RSPO3: variants seen among roughly 807,000 people sequenced by gnomAD.
The protein encoded by RSPO3 is R-spondin-3.
Under a neutral mutation model 36.5 loss-of-function variants are expected in RSPO3, and 17 were observed. The observed-to-expected ratio is 0.47, with a 90% CI of 0.32 to 0.70. RSPO3 has a LOEUF of 0.70. Ranked by LOEUF, RSPO3 falls within the 30% of genes least tolerant of loss-of-function variation. The pLI, the probability that RSPO3 is intolerant of heterozygous loss-of-function variation, is 0.04. For missense variants in RSPO3, 294 were observed against 322.5 expected (o/e 0.91, Z 0.68); for synonymous variants, 108 against 107.0 (o/e 1.01, Z -0.06).
At chr6:127,195,281 A>C (rs1257451084) in intron 4 of RSPO3, among the ~76,000 whole-genome samples, 1 of 152,010 alleles carries the variant, frequency 6.6e-6, no homozygotes, top group African/African-American at 2.4e-5. Context: ...TGATCCTCCT[A>C]CCTCAGCCTT....
chr6:127,168,623 T>C (rs1774873909), intron 4 of RSPO3, among the ~76,000 whole-genome samples: 1 of 152,092 alleles, frequency 6.6e-6, no homozygotes, highest in South Asian at 2.1e-4. Flanking sequence ...TTTGTCAATT[T>C]TGGGGTTTGT....
At chr6:127,188,155 G>A (rs1775333597) in intron 4 of RSPO3, among the ~76,000 whole-genome samples, 1 of 152,144 alleles carries the variant, frequency 6.6e-6, no homozygotes, top group Non-Finnish European at 1.5e-5. Flanking sequence ...CCTCTGTCAC[G>A]ACATTGAGCC....
intron 4 of RSPO3, among the ~76,000 whole-genome samples, chr6:127,182,495 TA>T (rs1775209486): frequency 6.6e-6 from 1 of 151,976 alleles, no homozygotes. Flanking sequence ...AAATGAGAAA[TA>T]TTTATTTTAG....
At position 127,141,269 on chromosome 6, in the gene RSPO3, G is replaced by T. The variant is rs192817395; in HGVS notation, c.98-7379G>T. ...TAGTCCTGATTTTGGACTAGCTGTG[G>T]TTAGGCAAAGCATAGCCTTCAGTTA... On this transcript the variant is annotated intron_variant, in intron 1 of 4. Transcript: ENST00000356698. Among the ~76,000 whole-genome samples the T allele has an allele frequency of 3.1e-3, 474 of 152,242 alleles. 1 individual carries two copies. Among genetic ancestry groups the T allele is most frequent in the African/African-American group, 0.01 (421 of 41,542 alleles).
At chr6:127,169,310 C>A (rs1774889917) in intron 4 of RSPO3, among the ~76,000 whole-genome samples, 1 of 151,706 alleles carries the variant, frequency 6.6e-6, no homozygotes. Flanking sequence ...TTAGATACTG[C>A]AATCTTACAT....
intron 1 of RSPO3, among the ~76,000 whole-genome samples, chr6:127,126,985 C>T (rs555592606): frequency 6.6e-6 from 1 of 152,170 alleles, no homozygotes; most frequent in Admixed American, 6.5e-5. Flanking sequence ...CCTTAAAACA[C>T]CTTTCTAAAA....
intron 1 of RSPO3, among the ~76,000 whole-genome samples, chr6:127,123,843 C>A (rs1773890712): frequency 6.6e-6 from 1 of 151,766 alleles, no homozygotes; most frequent in African/African-American, 2.4e-5. Flanking sequence ...AAATTAGGTC[C>A]CCAGAAAGCA....
At chr6:127,171,264 T>C (rs1018266750) in intron 4 of RSPO3, among the ~76,000 whole-genome samples, 2 of 151,678 alleles carry the variant, frequency 1.3e-5, no homozygotes, top group South Asian at 2.1e-4. Context: ...CTTAGGAAAA[T>C]TGCTTGACTC....
intron 4 of RSPO3, among the ~76,000 whole-genome samples, chr6:127,180,372 G>A (rs983245564): frequency 2.2e-4 from 33 of 150,856 alleles, no homozygotes; most frequent in Admixed American, 3.3e-4. Context: ...AACTTTGGGA[G>A]TACAGGCACT....
At chr6:127,159,644 CTTTTTTT>C (rs869033594) in intron 4 of RSPO3, among the ~76,000 whole-genome samples, 1 of 123,284 alleles carries the variant, frequency 8.1e-6, no homozygotes, top group East Asian at 2.2e-4. Flanking sequence ...ATACATTCTC[CTTTTTTT>C]TTTTTTTTTT....
chr6:127,154,489 T>C (rs1389789004), intron 3 of RSPO3, among the ~76,000 whole-genome samples: 3 of 152,164 alleles, frequency 2.0e-5, no homozygotes, highest in East Asian at 3.8e-4. Flanking sequence ...GTCAGGTTAA[T>C]TTTAGAAGCA....
In RSPO3 at chr6:127,161,819, G is replaced by A. The variant is rs563505419; in HGVS notation, c.634+6381G>A. ...CAGTGATCAGGTTATTGAATAGAGT[G>A]GTAGCATTCTTCAGCTCCTAAGCAA... is the stretch of plus-strand genomic sequence containing the variant. On this transcript the variant is annotated intron_variant, in intron 4 of 4. Coordinates refer to ENST00000356698, the MANE Select transcript of RSPO3 (RefSeq NM_032784.5). Among the ~76,000 whole-genome samples, 160 of 152,252 alleles carry A rather than the reference G, an allele frequency of 1.1e-3. 1 individual carries two copies. The highest frequency in any genetic ancestry group is 1.9e-3 in the Non-Finnish European group (129 of 68,024).
Position 127,150,416 on chromosome 6 carries a change from T to A in RSPO3, c.290-10T>A. On this transcript the variant is annotated splice_polypyrimidine_tract_variant and intron_variant, in intron 2 of 4. Transcript: ENST00000356698. ...AATGCAAGCATATTTCTTTCTTTTTTCTCTTTCAGAATGCAAAGCTGACTG... is the reference window on the plus strand; with the variant it reads ...AATGCAAGCATATTTCTTTCTTTTTACTCTTTCAGAATGCAAAGCTGACTG... 1.2e-6 allele frequency: 2 copies of A among 1,608,144 alleles called. No homozygotes were observed. Among genetic ancestry groups the A allele is most frequent in the Non-Finnish European group, 1.7e-6 (2 of 1,177,802 alleles).
At chr6:127,143,500 T>C (rs1774320632) in intron 1 of RSPO3, among the ~76,000 whole-genome samples, 1 of 152,228 alleles carries the variant, frequency 6.6e-6, no homozygotes, top group African/African-American at 2.4e-5. Flanking sequence ...TTTATTGTTG[T>C]TAAAAATAAC....
At position 127,134,005 on chromosome 6, in the gene RSPO3, CT is replaced by C. The variant is rs1326902569; in HGVS notation, c.98-14637del. 3.3e-5 allele frequency among the ~76,000 whole-genome samples: 5 copies of C among 152,210 alleles called. No homozygotes were observed. The East Asian group carries it at 7.7e-4, about 24-fold the overall frequency. The stretch of plus-strand genomic sequence containing the variant: ...ATCATTTCTAAGCCGAATAGTACCT[CT>C]TTTTTGATTTGTTTAAATAGCGTTG... On this transcript the variant is annotated intron_variant, in intron 1 of 4. Transcript: ENST00000356698.
chr6:127,153,230 C>T (rs1465497048), intron 3 of RSPO3, among the ~76,000 whole-genome samples: 1 of 152,068 alleles, frequency 6.6e-6, no homozygotes, highest in African/African-American at 2.4e-5. Flanking sequence ...GGTGAATATT[C>T]TGTTTTTCCT....
At chr6:127,136,918 C>T (rs1774172091) in intron 1 of RSPO3, among the ~76,000 whole-genome samples, 4 of 152,246 alleles carry the variant, frequency 2.6e-5, no homozygotes, top group African/African-American at 9.6e-5. Flanking sequence ...CGTCCTGTCC[C>T]ATTTGAATAC....
At chr6:127,156,185 A>G (rs1481770976) in intron 4 of RSPO3, among the ~76,000 whole-genome samples, 1 of 152,068 alleles carries the variant, frequency 6.6e-6, no homozygotes, top group Non-Finnish European at 1.5e-5. Flanking sequence ...TTCTTTTCAT[A>G]TTTCTTTTCA....
chr6:127,188,672 A>C (rs1233163171), intron 4 of RSPO3, among the ~76,000 whole-genome samples: 1 of 152,084 alleles, frequency 6.6e-6, no homozygotes, highest in Non-Finnish European at 1.5e-5. Context: ...AATAAAAAGA[A>C]AGAGAATAGA....
Sources: gnomAD v4.1 joint callset for allele counts (sites outside exome capture counted in the v4.1 genomes callset) on GRCh38, gnomAD v4.1.1 for gene constraint, MANE v1.5 for transcripts, NCBI Gene and HGNC (gene_info 2026-07-23, HGNC 2026-07-21) for gene names.